The following WDR20 variants were observed in gnomAD, a reference collection of about 807,000 sequenced individuals.
WDR20 encodes WD repeat-containing protein 20.
A neutral mutation model predicts 38.7 loss-of-function variants in WDR20; 3 were observed. The ratio of observed to expected loss-of-function variants is 0.08; its 90% CI spans 0.04 to 0.20. The LOEUF (loss-of-function observed/expected upper bound fraction) is 0.20, where lower values mean the gene tolerates loss of function less well. Ranked by LOEUF, WDR20 falls within the 10% of genes least tolerant of loss-of-function variation. WDR20 has a pLI of 1.00. For synonymous variants in WDR20, 298 were observed against 285.6 expected (o/e 1.04, Z -0.44); for missense variants, 559 against 727.7 (o/e 0.77, Z 2.67).
At chr14:102,164,458 TCA>T (rs2059381338) in intron 1 of WDR20, among the ~76,000 whole-genome samples, 2 of 152,298 alleles carry the variant, frequency 1.3e-5, no homozygotes, top group South Asian at 4.1e-4. Context: ...CGGGATCTTG[TCA>T]TCAGCTGAAA....
chr14:102,201,968 A>G (rs2060470553), intron 2 of WDR20, among the ~76,000 whole-genome samples: 1 of 151,528 alleles, frequency 6.6e-6, no homozygotes, highest in Non-Finnish European at 1.5e-5. Flanking sequence ...GCTCTCCTCC[A>G]CTGCTTCCCA....
At position 102,222,885 on chromosome 14, in the gene WDR20, G is replaced by C. The variant is rs778768324; in HGVS notation, c.*2G>C. On this transcript the variant is annotated 3_prime_UTR_variant, in exon 4 of 4. Transcript: ENST00000335263. The surrounding 1 kb of genome is among the most constrained non-coding windows in gnomAD (Gnocchi z 4.4). Reference sequence around the variant, plus strand: ...TCTCCAGGTGGAACTGTAGTGTAGCGACCTCACTGCTGCGCGCACAGTCTC... The same window carrying C: ...TCTCCAGGTGGAACTGTAGTGTAGCCACCTCACTGCTGCGCGCACAGTCTC... The C allele has an allele frequency of 7.4e-6, 12 of 1,614,114 alleles. No individual in the cohort carries two copies. Among genetic ancestry groups the C allele is most frequent in the East Asian group, 2.2e-5 (1 of 44,888 alleles).
Position 102,209,448 on chromosome 14 carries a change from G to A in WDR20, c.1278G>A (p.Pro426=), listed in dbSNP as rs373970298. The change falls in exon 3 of 3, where the codon CCG becomes CCA. Residue 426 remains proline (P), a synonymous_variant. Transcript: ENST00000342702. The surrounding 1 kb of genome is among the most constrained non-coding windows in gnomAD (Gnocchi z 6.0). ...NSVTTPGNSV[P]PPLPRSNSLP... is the part of the protein sequence containing the mutation. ...TTACAACACCCGGGAACTCTGTGCC[G>A]CCTCCTCTGCCACGGTCCAACAGCC... 2.4e-5 allele frequency: 38 copies of A among 1,614,012 alleles called. No individual in the cohort carries two copies. Among genetic ancestry groups the A allele is most frequent in the Admixed American group, 3.3e-5 (2 of 60,004 alleles).
intron 1 of WDR20, among the ~76,000 whole-genome samples, chr14:102,155,349 G>A (rs2057123190): frequency 6.6e-6 from 1 of 152,216 alleles, no homozygotes; most frequent in Admixed American, 6.5e-5. Context: ...TCTCTCACAT[G>A]TGACTTGCTA....
At position 102,220,361 on chromosome 14, in the gene WDR20, G is replaced by A. The variant is rs954501751; in HGVS notation, c.1693-2469G>A. 1.3e-5 allele frequency among the ~76,000 whole-genome samples: 2 copies of A among 152,206 alleles called. No homozygotes were observed. The highest frequency in any genetic ancestry group is 4.8e-5 in the African/African-American group (2 of 41,450). ...TGTCAACCACACAGCACACCTCAAA[G>A]GCTTCTTACCAAAAAAGTCATTAGT... On this transcript the variant is annotated intron_variant, in intron 3 of 3. Coordinates refer to the WDR20 transcript ENST00000335263. This position sits in a 1 kb window ranked among gnomAD's most constrained non-coding sequence, Gnocchi z 4.2.
At chr14:102,184,450 C>T (rs373937962) in intron 1 of WDR20, among the ~76,000 whole-genome samples, 32 of 152,264 alleles carry the variant, frequency 2.1e-4, no homozygotes, top group South Asian at 1.7e-3. Context: ...CATGTGAGAA[C>T]AACAGAAGCT....
At chr14:102,141,756 T>C (rs1190587) in intron 1 of WDR20, among the ~76,000 whole-genome samples, 124,333 of 151,878 alleles carry the variant, frequency 0.82, 51,653 homozygotes, top group East Asian at 0.97. Flanking sequence ...AAGAAGCTGC[T>C]GTCTTGACAT....
intron 2 of WDR20, among the ~76,000 whole-genome samples, chr14:102,204,916 A>T (rs544856371): frequency 2.0e-5 from 3 of 152,196 alleles, no homozygotes; most frequent in African/African-American, 7.2e-5. Flanking sequence ...GAAAAGAATG[A>T]GGATGCTGTC....
intron 1 of WDR20, among the ~76,000 whole-genome samples, chr14:102,153,397 C>G (rs1013989649): frequency 5.4e-5 from 8 of 148,572 alleles, no homozygotes; most frequent in African/African-American, 2.0e-4. Flanking sequence ...AGCTCCGCCT[C>G]CTGGGTTCAC....
intron 1 of WDR20, among the ~76,000 whole-genome samples, chr14:102,166,289 T>G (rs1232358997): frequency 6.6e-6 from 1 of 152,204 alleles, no homozygotes; most frequent in African/African-American, 2.4e-5. Flanking sequence ...TTTAACTGAT[T>G]AATTTATTTG....
intron 1 of WDR20, chr14:102,193,492 T>G (rs766151623): frequency 1.2e-6 from 2 of 1,613,636 alleles, no homozygotes; most frequent in African/African-American, 2.7e-5. Context: ...AGAACAGAGA[T>G]TCTCATCTCC....
At chr14:102,219,830 G>T (rs2063682358), downstream of WDR20, among the ~76,000 whole-genome samples, 1 of 152,258 alleles carries the variant, frequency 6.6e-6, no homozygotes, top group African/African-American at 2.4e-5. Flanking sequence ...CGTTATGCCA[G>T]TATGGACTAC....
rs528379847 is a variant in WDR20 at position 102,184,573 on chromosome 14, C to T, written c.250-10365C>T. Among the ~76,000 whole-genome samples the T allele has an allele frequency of 1.1e-4, 17 of 152,154 alleles. No homozygotes were observed. The South Asian group carries it at 2.9e-3, about 26-fold the overall frequency. ...CCCTGGTGGCCACCCTCTCCCCACC[C>T]GATGCAGAGCTCCAAAGGAGGGGCT... On this transcript the variant is annotated intron_variant, in intron 1 of 2. Transcript: ENST00000342702.
Position 102,209,863 on chromosome 14 carries a change from G to C in WDR20, c.1693G>C (p.Val565Leu), listed in dbSNP as rs1257562283. The C allele has an allele frequency of 6.2e-7, 1 of 1,610,798 alleles. No homozygotes were observed. Among genetic ancestry groups the C allele is most frequent in the Admixed American group, 1.7e-5 (1 of 59,820 alleles). The change falls in exon 3 of 3, where the codon GTA becomes CTA. Residue 565 changes from valine (V) to leucine (L), a missense_variant. Val to Leu is a conservative substitution (Grantham distance 32). Transcript: ENST00000342702. This position sits in a 1 kb window ranked among gnomAD's most constrained non-coding sequence, Gnocchi z 6.0. Reference protein sequence around the residue: ...ICTWGRPGKVVSFNP With the variant: ...ICTWGRPGKVLSFNP ...CACATGGGGAAGGCCTGGTAAAGTG[G>C]TAAGTTTTAATCCTTAATGCTGCAC...
At chr14:102,141,679 A>C (rs992397460) in intron 1 of WDR20, among the ~76,000 whole-genome samples, 58 of 152,162 alleles carry the variant, frequency 3.8e-4, no homozygotes, top group Admixed American at 2.0e-3. Context: ...TATAATAATC[A>C]TAATGAACTT....
chr14:102,181,536 G>A (rs942712957), intron 1 of WDR20, among the ~76,000 whole-genome samples: 2 of 151,794 alleles, frequency 1.3e-5, no homozygotes, highest in Admixed American at 1.3e-4. Flanking sequence ...TGCCACTCCA[G>A]CTTTATCTAT....
At chr14:102,173,220 C>G (rs1181832834) in intron 1 of WDR20, among the ~76,000 whole-genome samples, 2 of 127,414 alleles carry the variant, frequency 1.6e-5, no homozygotes, top group East Asian at 4.1e-4. Context: ...TCAAGTGATT[C>G]TTCTGCCTCA....
downstream of WDR20, chr14:102,224,824 G>A: frequency 2.2e-6 from 1 of 455,922 alleles, no homozygotes; most frequent in Non-Finnish European, 4.4e-6. Context: ...AAGACACTAA[G>A]ACTTGCTGTT....
intron 1 of WDR20, among the ~76,000 whole-genome samples, chr14:102,158,822 C>T (rs774873301): frequency 6.6e-5 from 10 of 152,122 alleles, no homozygotes; most frequent in African/African-American, 9.7e-5. Context: ...CTCCCCGACT[C>T]GTTCGCTAAA....
Sources: allele counts gnomAD v4.1 joint callset (sites outside exome capture counted in the v4.1 genomes callset), GRCh38; gene constraint gnomAD v4.1.1; non-coding constraint Gnocchi (gnomAD v3.1); transcripts MANE v1.5; gene names NCBI Gene and HGNC (gene_info 2026-07-23, HGNC 2026-07-21).